MGAT4C: variants seen among roughly 807,000 people sequenced by gnomAD.
The protein encoded by MGAT4C is alpha-1,3-mannosyl-glycoprotein 4-beta-N-acetylglucosaminyltransferase C.
MGAT4C carries 19 observed loss-of-function variants against 40.1 expected under a neutral mutation model. That is an observed-to-expected ratio of 0.47 (90% CI 0.33 to 0.70). MGAT4C has a LOEUF of 0.70. Among genes scored for constraint, MGAT4C ranks in the 30% least tolerant of loss-of-function variants. The probability of loss-of-function intolerance (pLI) is 0.02; values close to 1 mark genes in which losing one functional copy is unlikely to be tolerated. For missense variants in MGAT4C, 491 were observed against 563.2 expected (o/e 0.87, Z 1.30); for synonymous variants, 181 against 187.1 (o/e 0.97, Z 0.27).
At chr12:86,203,396 A>G (rs1034368034) in intron 1 of MGAT4C, among the ~76,000 whole-genome samples, 1 of 152,158 alleles carries the variant, frequency 6.6e-6, no homozygotes, top group African/African-American at 2.4e-5. Flanking sequence ...TATTGTCTAC[A>G]AGGTAACAAG....
At chr12:86,686,879 T>G (rs1950081703) in intron 2 of MGAT4C, among the ~76,000 whole-genome samples, 1 of 152,238 alleles carries the variant, frequency 6.6e-6, no homozygotes, top group African/African-American at 2.4e-5. Flanking sequence ...TCCCTCTTTT[T>G]CTGTTGTTGA....
At chr12:86,532,073 C>T (rs1958995631) in intron 2 of MGAT4C, among the ~76,000 whole-genome samples, 1 of 151,788 alleles carries the variant, frequency 6.6e-6, no homozygotes, top group Non-Finnish European at 1.5e-5. Flanking sequence ...TTTATAGATT[C>T]TTTAACTTAG....
At position 86,386,381 on chromosome 12, in the gene MGAT4C, A is replaced by T. The variant is rs112833766; in HGVS notation, c.-120+48776T>A. ...CCACTAGACAATGAATACCTAAAAA[A>T]ATGGGGCCTGCCTCTGATTTCTATG... On this transcript the variant is annotated intron_variant, in intron 3 of 7. Coordinates refer to the MGAT4C transcript ENST00000548651. Among the ~76,000 whole-genome samples, 435 of 152,248 alleles carry T rather than the reference A, an allele frequency of 2.9e-3. 2 individuals are homozygous for T. The highest frequency in any genetic ancestry group is 9.8e-3 in the African/African-American group (409 of 41,528).
At chr12:86,351,801 T>C (rs1405551272) in intron 3 of MGAT4C, among the ~76,000 whole-genome samples, 1 of 152,060 alleles carries the variant, frequency 6.6e-6, no homozygotes, top group African/African-American at 2.4e-5. Context: ...TATAGTTACA[T>C]GGAAAACGCA....
chr12:86,444,103 T>A (rs1957290508), intron 2 of MGAT4C, among the ~76,000 whole-genome samples: 1 of 152,206 alleles, frequency 6.6e-6, no homozygotes, highest in South Asian at 2.1e-4. Context: ...TCAAAATATT[T>A]ATTTTCTCAT....
intron 2 of MGAT4C, among the ~76,000 whole-genome samples, chr12:86,459,098 G>C (rs1957553237): frequency 6.6e-6 from 1 of 152,062 alleles, no homozygotes; most frequent in African/African-American, 2.4e-5. Context: ...TGTAGTAATA[G>C]AACATGTATA....
chr12:85,977,495 C>T lies in MGAT4C; in HGVS notation c.*1794G>A, dbSNP rs1004437321. 5 of 151,196 alleles carry T rather than the reference C, an allele frequency of 3.3e-5. No individual in the cohort carries two copies. The highest frequency in any genetic ancestry group is 5.9e-5 in the Non-Finnish European group (4 of 67,442). The allele number at this position is 151,196 out of a possible 1,614,324, so 9.4% of individuals were successfully genotyped here. ...TTCCTATGACTGTAAGATTTAGGTG[C>T]CTCACAAAATATTAATATTTAGCCT... On this transcript the variant is annotated 3_prime_UTR_variant, in exon 5 of 5. Transcript: ENST00000611864.
intron 2 of MGAT4C, among the ~76,000 whole-genome samples, chr12:86,537,616 T>C (rs923460490): frequency 1.6e-4 from 24 of 152,304 alleles, no homozygotes; most frequent in African/African-American, 5.8e-4. Context: ...GTCCTTATAT[T>C]TCTCCTGTCC....
chr12:86,090,147 A>G (rs988906593), intron 1 of MGAT4C, among the ~76,000 whole-genome samples: 3 of 151,616 alleles, frequency 2.0e-5, no homozygotes, highest in African/African-American at 7.2e-5. Context: ...GATTTTAGCC[A>G]TTTCATAGAA....
intron 3 of MGAT4C, among the ~76,000 whole-genome samples, chr12:85,988,849 C>T (rs1301335771): frequency 6.6e-6 from 1 of 151,980 alleles, no homozygotes; most frequent in Non-Finnish European, 1.5e-5. Context: ...ACATCAATAT[C>T]TTTATCTCTT....
At chr12:86,203,749 G>A (rs142517638) in intron 1 of MGAT4C, among the ~76,000 whole-genome samples, 2,116 of 151,914 alleles carry the variant, frequency 0.014, 27 homozygotes, top group South Asian at 0.024. Context: ...CCTGAGGTCA[G>A]GAGTTTGAGA....
intron 1 of MGAT4C, among the ~76,000 whole-genome samples, chr12:86,804,537 A>G (rs892757979): frequency 6.6e-6 from 1 of 151,964 alleles, no homozygotes; most frequent in Non-Finnish European, 1.5e-5. Context: ...TATAAGTGCT[A>G]TATTGTAATT....
chr12:86,465,085 TC>T (rs1263834636), intron 2 of MGAT4C, among the ~76,000 whole-genome samples: 2 of 152,120 alleles, frequency 1.3e-5, no homozygotes, highest in African/African-American at 4.8e-5. Context: ...ATAGATTAAC[TC>T]TGGGCTTTCT....
At chr12:86,404,877 A>G (rs1466514336) in intron 3 of MGAT4C, among the ~76,000 whole-genome samples, 1 of 152,120 alleles carries the variant, frequency 6.6e-6, no homozygotes, top group African/African-American at 2.4e-5. Context: ...AATTTAATTC[A>G]GTTACAAATA....
chr12:86,249,138 C>A (rs1566220674), intron 1 of MGAT4C, among the ~76,000 whole-genome samples: 1 of 152,100 alleles, frequency 6.6e-6, no homozygotes, highest in South Asian at 2.1e-4. Context: ...TTCCCACTGA[C>A]CCCAGCCCAA....
At chr12:86,714,955 G>A (rs1484785284) in intron 2 of MGAT4C, among the ~76,000 whole-genome samples, 1 of 151,984 alleles carries the variant, frequency 6.6e-6, no homozygotes, top group Non-Finnish European at 1.5e-5. Context: ...TAAATGAACA[G>A]AAACTTTTCT....
At chr12:85,989,816 G>A (rs564033794) in intron 2 of MGAT4C, among the ~76,000 whole-genome samples, 1 of 152,098 alleles carries the variant, frequency 6.6e-6, no homozygotes, top group South Asian at 2.1e-4. Context: ...ATGAACTTTG[G>A]TCATAATAAT....
At chr12:86,040,107 C>T (rs1891655571) in intron 2 of MGAT4C, among the ~76,000 whole-genome samples, 1 of 152,164 alleles carries the variant, frequency 6.6e-6, no homozygotes, top group South Asian at 2.1e-4. Flanking sequence ...AGCTTTGTCC[C>T]AGAGGGGCAC....
chr12:86,289,584 G>T (rs956777607), intron 4 of MGAT4C, among the ~76,000 whole-genome samples: 4 of 152,112 alleles, frequency 2.6e-5, no homozygotes, highest in Admixed American at 2.6e-4. Flanking sequence ...ATGTCTTTCA[G>T]CAGTGTTTGG....
Sources: allele counts gnomAD v4.1 joint callset (sites outside exome capture counted in the v4.1 genomes callset), GRCh38; gene constraint gnomAD v4.1.1; transcripts MANE v1.5; gene names NCBI Gene and HGNC (gene_info 2026-07-23, HGNC 2026-07-21).